SGCD: variants seen among roughly 807,000 people sequenced by gnomAD.
SGCD encodes sarcoglycan delta, also known as delta-sarcoglycan.
SGCD carries 18 observed loss-of-function variants against 36.6 expected under a neutral mutation model. The observed-to-expected ratio is 0.49, with a 90% CI of 0.34 to 0.73. The LOEUF is 0.73. Among genes scored for constraint, SGCD ranks in the 30% least tolerant of loss-of-function variants. SGCD has a pLI of 0.01. For synonymous variants in SGCD, 133 were observed against 130.6 expected (o/e 1.02, Z -0.12); for missense variants, 387 against 346.7 (o/e 1.12, Z -0.92).
At chr5:155,994,797 G>T (rs1312597605) in intron 1 of SGCD, among the ~76,000 whole-genome samples, 1 of 152,216 alleles carries the variant, frequency 6.6e-6, no homozygotes, top group Non-Finnish European at 1.5e-5. Flanking sequence ...AAGCTGAAGT[G>T]CTTGGGTGAG....
At chr5:155,908,997 G>C (rs1038610883) in intron 1 of SGCD, among the ~76,000 whole-genome samples, 4 of 152,072 alleles carry the variant, frequency 2.6e-5, no homozygotes, top group African/African-American at 9.7e-5. Context: ...TAAATCACTA[G>C]TGGCTTTTTC....
intron 3 of SGCD, among the ~76,000 whole-genome samples, chr5:156,240,916 T>A (rs1376573587): frequency 6.6e-6 from 1 of 152,194 alleles, no homozygotes; most frequent in Admixed American, 6.5e-5. Flanking sequence ...TTTGAGAAGT[T>A]GAAGAATGTA....
intron 4 of SGCD, among the ~76,000 whole-genome samples, chr5:156,511,119 TAAA>T (rs897259757): frequency 6.6e-6 from 1 of 152,132 alleles, no homozygotes; most frequent in African/African-American, 2.4e-5. Context: ...TTAAAGAAAA[TAAA>T]AAGCCCTCAA....
chr5:156,506,006 A>G lies in SGCD; in HGVS notation c.193-2595A>G, dbSNP rs1172961761. ...CAGCCTCCCTGGGTATCATGTTAAC[A>G]GCATAACCCCACAGAAAGGAATTAT... On this transcript the variant is annotated intron_variant, in intron 3 of 8. Transcript: ENST00000337851. Among the ~76,000 whole-genome samples the G allele has an allele frequency of 2.0e-5, 3 of 152,252 alleles. No homozygotes were observed. The East Asian group carries it at 5.8e-4, about 29-fold the overall frequency.
chr5:156,635,751 T>C (rs1233286568), intron 6 of SGCD, among the ~76,000 whole-genome samples: 3 of 152,020 alleles, frequency 2.0e-5, no homozygotes, highest in African/African-American at 7.3e-5. Context: ...TGGTTGAAGC[T>C]GGAAACCATC....
chr5:155,922,543 A>T (rs181670613), intron 1 of SGCD, among the ~76,000 whole-genome samples: 1 of 152,214 alleles, frequency 6.6e-6, no homozygotes, highest in Non-Finnish European at 1.5e-5. Context: ...AAGATAAAAA[A>T]TGGCTTAAGA....
chr5:156,504,406 A>G (rs981172811), intron 3 of SGCD, among the ~76,000 whole-genome samples: 1 of 92,848 alleles, frequency 1.1e-5, no homozygotes, highest in Admixed American at 1.1e-4. Flanking sequence ...ATATATATAT[A>G]TATATATATA....
chr5:156,255,849 A>C (rs899257343), intron 3 of SGCD, among the ~76,000 whole-genome samples: 6 of 152,034 alleles, frequency 3.9e-5, no homozygotes, highest in Non-Finnish European at 2.9e-5. Context: ...TATTTTAATA[A>C]TAGCTATATT....
chr5:156,018,871 A>G (rs1282910430), intron 1 of SGCD, among the ~76,000 whole-genome samples: 2 of 152,202 alleles, frequency 1.3e-5, no homozygotes, highest in Non-Finnish European at 2.9e-5. Flanking sequence ...GGAAACTTAA[A>G]TCTTAGCAGT....
chr5:156,461,951 G>T (rs1027595053), intron 3 of SGCD, among the ~76,000 whole-genome samples: 1 of 152,138 alleles, frequency 6.6e-6, no homozygotes, highest in African/African-American at 2.4e-5. Flanking sequence ...TACCTGCATA[G>T]TTCTTACAAA....
At chr5:156,444,507 G>A (rs1192603518) in intron 3 of SGCD, among the ~76,000 whole-genome samples, 1 of 152,002 alleles carries the variant, frequency 6.6e-6, no homozygotes, top group Non-Finnish European at 1.5e-5. Context: ...CTGGCTCAAT[G>A]TGCTTAGAGG....
intron 3 of SGCD, among the ~76,000 whole-genome samples, chr5:156,385,055 TAAA>T (rs1771201623): frequency 6.6e-6 from 1 of 152,088 alleles, no homozygotes; most frequent in African/African-American, 2.4e-5. Context: ...TGCACACCAT[TAAA>T]ATCATCAAGA....
intron 7 of SGCD, among the ~76,000 whole-genome samples, chr5:156,741,872 G>T (rs1756691271): frequency 6.9e-6 from 1 of 144,756 alleles, no homozygotes; most frequent in African/African-American, 2.5e-5. Context: ...ATGTTTTCAG[G>T]TTTTTTTTTT....
chr5:155,733,430 T>C, the SGCD span, among the ~76,000 whole-genome samples: 1 of 152,202 alleles, frequency 6.6e-6, no homozygotes, highest in Admixed American at 6.5e-5. Flanking sequence ...TTGTCATCTT[T>C]CCCTTTTCAG....
chr5:156,445,365 A>G (rs149578896), intron 3 of SGCD, among the ~76,000 whole-genome samples: 65 of 152,272 alleles, frequency 4.3e-4, no homozygotes, highest in African/African-American at 1.5e-3. Flanking sequence ...AATGAGAACC[A>G]TAAGGTCAAA....
At chr5:156,363,430 T>C (rs1444233527) in intron 3 of SGCD, among the ~76,000 whole-genome samples, 1 of 152,224 alleles carries the variant, frequency 6.6e-6, no homozygotes, top group Non-Finnish European at 1.5e-5. Context: ...AGAAAAATAA[T>C]TTAAAATATG....
At chr5:156,320,236 C>T (rs541928725) in intron 3 of SGCD, among the ~76,000 whole-genome samples, 1 of 151,984 alleles carries the variant, frequency 6.6e-6, no homozygotes, top group Non-Finnish European at 1.5e-5. Context: ...TTCCTGCACC[C>T]ATCAGTTGTG....
chr5:156,079,612 C>T (rs1760894793), intron 1 of SGCD, among the ~76,000 whole-genome samples: 1 of 152,222 alleles, frequency 6.6e-6, no homozygotes, highest in South Asian at 2.1e-4. Context: ...AAAGGGGCTA[C>T]AGGCTCCATG....
chr5:156,671,367 G>T (rs1336865790), intron 7 of SGCD, among the ~76,000 whole-genome samples: 1 of 151,116 alleles, frequency 6.6e-6, no homozygotes, highest in Admixed American at 6.6e-5. Flanking sequence ...CTGCCTCCTG[G>T]GTTCAAGTGA....
Sources: allele counts gnomAD v4.1 joint callset (sites outside exome capture counted in the v4.1 genomes callset), GRCh38; gene constraint gnomAD v4.1.1; transcripts MANE v1.5; gene names NCBI Gene and HGNC (gene_info 2026-07-23, HGNC 2026-07-21).